The following GTF2H1 variants were observed in gnomAD, a reference collection of about 807,000 sequenced individuals.
GTF2H1 encodes general transcription factor IIH subunit 1, also known as BTF2 p62.
In GTF2H1, 16 loss-of-function variants were observed where a neutral mutation model predicts 71.2. The observed-to-expected ratio is 0.22, with a 90% CI of 0.15 to 0.34. The LOEUF is 0.34. Ranked by LOEUF, GTF2H1 falls within the 10% of genes least tolerant of loss-of-function variation. The pLI is 1.00. For synonymous variants in GTF2H1, 215 were observed against 219.0 expected (o/e 0.98, Z 0.16); for missense variants, 498 against 648.2 (o/e 0.77, Z 2.52).
chr11:18,358,100 T>A, intron 12 of GTF2H1, 58 bp downstream of exon 12: 1 of 1,116,892 alleles, frequency 9.0e-7, no homozygotes, highest in African/African-American at 1.5e-5. Flanking sequence ...AAAAGCAAGC[T>A]GGGAGGAGTG....
chr11:18,323,765 CACTTA>C (rs1238823486), intron 1 of GTF2H1, among the ~76,000 whole-genome samples: 2 of 152,238 alleles, frequency 1.3e-5, no homozygotes, highest in Non-Finnish European at 2.9e-5. Flanking sequence ...CCCACCACCC[CACTTA>C]ACTTCTATCC....
intron 7 of GTF2H1, among the ~76,000 whole-genome samples, chr11:18,345,684 G>A (rs1171862538): frequency 6.6e-6 from 1 of 151,516 alleles, no homozygotes; most frequent in South Asian, 2.1e-4. Context: ...TTAGTACAGG[G>A]TTTCACCACG....
chr11:18,359,325 G>A (rs1415397715), intron 13 of GTF2H1, among the ~76,000 whole-genome samples: 1 of 152,140 alleles, frequency 6.6e-6, no homozygotes, highest in Non-Finnish European at 1.5e-5. Flanking sequence ...AGAATTGTTT[G>A]AGCCCAGGAG....
chr11:18,352,759 A>T (rs2133981670), intron 11 of GTF2H1, among the ~76,000 whole-genome samples: 1 of 152,298 alleles, frequency 6.6e-6, no homozygotes, highest in African/African-American at 2.4e-5. Context: ...ATTCTGCATG[A>T]CTCAGGCTTA....
Position 18,366,796 on chromosome 11 carries a change from A to G in GTF2H1, c.*927A>G, listed in dbSNP as rs1460009520. The G allele has an allele frequency of 6.6e-6, 1 of 152,334 alleles. No individual in the cohort carries two copies. The highest frequency in any genetic ancestry group is 2.4e-5 in the African/African-American group (1 of 41,422). 9.4% of individuals were successfully genotyped at this position (152,334 alleles called of 1,614,324 possible). The stretch of plus-strand genomic sequence containing the variant: ...TCTTATTTTCACCTCTTTAGAAGAA[A>G]TAAAAGATGTTTCTCCTATCTCCTT... On this transcript the variant is annotated 3_prime_UTR_variant, in exon 15 of 15. Transcript: ENST00000265963.
At chr11:18,341,503 A>G (rs1281527708) in intron 6 of GTF2H1, 25 bp from the exon 7 acceptor site, 1 of 1,606,192 alleles carries the variant, frequency 6.2e-7, no homozygotes, top group Non-Finnish European at 8.5e-7. Context: ...GACATGCTGA[A>G]CTTTTTATTT....
chr11:18,341,068 T>C (rs1255717675), intron 5 of GTF2H1, among the ~76,000 whole-genome samples, 193 bp from the exon 6 acceptor site: 1 of 152,238 alleles, frequency 6.6e-6, no homozygotes, highest in African/African-American at 2.4e-5. Flanking sequence ...TTGTAATTTG[T>C]AAGATTTATA....
At chr11:18,341,675 G>A (rs944592381) in intron 7 of GTF2H1, 68 bp downstream of exon 7, 14 of 930,460 alleles carry the variant, frequency 1.5e-5, no homozygotes, top group African/African-American at 3.3e-5. Flanking sequence ...TGTCTTAAGC[G>A]TAGTAGACCT....
chr11:18,331,087 C>T (rs899577814), intron 1 of GTF2H1, among the ~76,000 whole-genome samples: 2 of 152,084 alleles, frequency 1.3e-5, no homozygotes, highest in African/African-American at 4.8e-5. Flanking sequence ...TCACTTTCAT[C>T]CCCAGGCTGG....
At chr11:18,357,654 A>T (rs1865588477) in intron 11 of GTF2H1, among the ~76,000 whole-genome samples, 1 of 152,172 alleles carries the variant, frequency 6.6e-6, no homozygotes, top group African/African-American at 2.4e-5. Flanking sequence ...AAGAGTTCTC[A>T]TATTAAATTG....
Position 18,365,833 on chromosome 11 carries a change from C to T in GTF2H1, c.1611C>T (p.His537=), listed in dbSNP as rs145951923. The change falls in exon 15 of 15, where the codon CAC becomes CAT. Residue 537 remains histidine (H), a synonymous_variant. Transcript: ENST00000265963. The part of the protein sequence containing the change: ...EMLQTAYNKL[H]TWQSRRLMKK... ...TCCAGACAGCCTACAACAAGCTCCACACATGGCAGTCACGGCGTCTGATGA... is the reference window on the plus strand; with the variant it reads ...TCCAGACAGCCTACAACAAGCTCCATACATGGCAGTCACGGCGTCTGATGA... 285 of 1,613,844 alleles carry T rather than the reference C, an allele frequency of 1.8e-4. No homozygotes were observed. The African/African-American group carries it at 3.5e-3, about 20-fold the overall frequency.
Position 18,366,749 on chromosome 11 carries a change from T to C in GTF2H1, c.*880T>C, listed in dbSNP as rs1167031177. On this transcript the variant is annotated 3_prime_UTR_variant, in exon 15 of 15. Transcript: ENST00000265963. Reference sequence around the variant, plus strand: ...CATTTTTAAGAGTTTAAAAATCTTATGAGTGAGAAATATTAAAAAAATCTT... The same window carrying C: ...CATTTTTAAGAGTTTAAAAATCTTACGAGTGAGAAATATTAAAAAAATCTT... The C allele has an allele frequency of 6.6e-6, 1 of 152,554 alleles. No individual in the cohort carries two copies. Among genetic ancestry groups the C allele is most frequent in the Admixed American group, 6.6e-5 (1 of 15,208 alleles). 9.5% of individuals were successfully genotyped at this position (152,554 alleles called of 1,614,324 possible). A position where few individuals can be genotyped will look rare whatever the true frequency, so the allele number is the denominator to read the frequency against.
At position 18,360,713 on chromosome 11, in the gene GTF2H1, G is replaced by A; in HGVS notation, c.1560+6G>A. 1.4e-6 allele frequency: 2 copies of A among 1,452,502 alleles called. No individual in the cohort carries two copies. Among genetic ancestry groups the A allele is most frequent in the East Asian group, 2.4e-5 (1 of 40,992 alleles). The allele number at this position is 1,452,502 out of a possible 1,614,324, so 90.0% of individuals were successfully genotyped here. ...GACAGTATTTAAGCACAAATGTAAG[G>A]CAGCAATCTGATTTTTGCCTGATCT... On this transcript the variant is annotated splice_donor_region_variant and intron_variant, in intron 14 of 14. Coordinates refer to ENST00000265963, the MANE Select transcript of GTF2H1 (RefSeq NM_005316.4).
chr11:18,362,597 A>G (rs1348208186), intron 14 of GTF2H1, among the ~76,000 whole-genome samples: 3 of 151,476 alleles, frequency 2.0e-5, no homozygotes, highest in South Asian at 2.1e-4. Flanking sequence ...TTCTTATTCT[A>G]TAAGCCTTTC....
chr11:18,356,787 G>GTTT (rs34873148), intron 11 of GTF2H1, among the ~76,000 whole-genome samples: 3 of 112,986 alleles, frequency 2.7e-5, no homozygotes, highest in African/African-American at 3.3e-5. Context: ...GTCAATCTTT[G>GTTT]TTTTTTTTTT....
At chr11:18,349,306 T>G (rs1865374235) in intron 9 of GTF2H1, among the ~76,000 whole-genome samples, 1 of 152,216 alleles carries the variant, frequency 6.6e-6, no homozygotes, top group Admixed American at 6.5e-5. Flanking sequence ...TATAGAGAAG[T>G]TAGAGAAGAA....
At chr11:18,343,305 G>C (rs1186297004) in intron 7 of GTF2H1, among the ~76,000 whole-genome samples, 1 of 152,216 alleles carries the variant, frequency 6.6e-6, no homozygotes, top group Non-Finnish European at 1.5e-5. Flanking sequence ...TGAGTTAAAA[G>C]AGCCTAGTGC....
At chr11:18,337,729 G>A (rs1015534058) in intron 3 of GTF2H1, among the ~76,000 whole-genome samples, 1 of 152,164 alleles carries the variant, frequency 6.6e-6, no homozygotes, top group Non-Finnish European at 1.5e-5. Flanking sequence ...GGGAGGATAT[G>A]TATAGGTTGT....
At chr11:18,335,730 A>G (rs754138435) in intron 2 of GTF2H1, 24 bp from the exon 3 acceptor site, 3 of 1,575,860 alleles carry the variant, frequency 1.9e-6, no homozygotes, top group African/African-American at 2.7e-5. Flanking sequence ...GTCATCATCT[A>G]ACTGCCCTCA....
Sources: allele counts gnomAD v4.1 joint callset (sites outside exome capture counted in the v4.1 genomes callset), GRCh38; gene constraint gnomAD v4.1.1; transcripts MANE v1.5; gene names NCBI Gene and HGNC (gene_info 2026-07-23, HGNC 2026-07-21).